The following TNFAIP8 variants were observed in gnomAD, a reference collection of about 807,000 sequenced individuals.
The protein encoded by TNFAIP8 is tumor necrosis factor alpha-induced protein 8.
TNFAIP8 carries 7 observed loss-of-function variants against 13.3 expected under a neutral mutation model. That is an observed-to-expected ratio of 0.52 (90% confidence interval 0.30 to 0.99). The LOEUF is 0.99. TNFAIP8 is among the 50% of genes least tolerant of loss of function. The pLI is 0.07. For synonymous variants in TNFAIP8, 94 were observed against 87.6 expected (o/e 1.07, Z -0.41); for missense variants, 258 against 236.9 (o/e 1.09, Z -0.58).
chr5:119,305,212 A>T (rs1419119336), intron 1 of TNFAIP8, among the ~76,000 whole-genome samples: 7 of 152,222 alleles, frequency 4.6e-5, no homozygotes, highest in African/African-American at 1.7e-4. Flanking sequence ...AACCTCTTTG[A>T]TAGTCATTTT....
chr5:119,348,907 A>AAAAAAAAT (rs70982474), intron 1 of TNFAIP8, among the ~76,000 whole-genome samples: 1 of 135,686 alleles, frequency 7.4e-6, no homozygotes, highest in Non-Finnish European at 1.6e-5. Context: ...AAAAAAAAAA[A>AAAAAAAAT]GAATAGACAA....
At chr5:119,276,894 T>C (rs945125478) in intron 1 of TNFAIP8, among the ~76,000 whole-genome samples, 7 of 152,344 alleles carry the variant, frequency 4.6e-5, no homozygotes, top group African/African-American at 1.7e-4. Context: ...GGGAGGATCT[T>C]TTCAGGACCT....
At chr5:119,330,326 T>C (rs1444380925) in intron 1 of TNFAIP8, among the ~76,000 whole-genome samples, 1 of 152,214 alleles carries the variant, frequency 6.6e-6, no homozygotes, top group Admixed American at 6.5e-5. Flanking sequence ...TAGAATTAGA[T>C]GAAATAAACA....
At chr5:119,380,142 T>C (rs1479219182) in intron 1 of TNFAIP8, among the ~76,000 whole-genome samples, 1 of 152,266 alleles carries the variant, frequency 6.6e-6, no homozygotes, top group East Asian at 1.9e-4. Flanking sequence ...TCACTTCTCT[T>C]ATCTGGGTCC....
chr5:119,349,796 G>A (rs533526063), intron 1 of TNFAIP8, among the ~76,000 whole-genome samples: 2 of 152,328 alleles, frequency 1.3e-5, no homozygotes, highest in African/African-American at 4.8e-5. Context: ...AGAGAGATTT[G>A]ACGATGGTTC....
chr5:119,357,947 T>G (rs1751495795), intron 1 of TNFAIP8, among the ~76,000 whole-genome samples: 1 of 152,130 alleles, frequency 6.6e-6, no homozygotes, highest in Non-Finnish European at 1.5e-5. Context: ...CTGTGTGTTT[T>G]GGGTGTGTTT....
At chr5:119,326,847 T>C (rs993984911) in intron 1 of TNFAIP8, among the ~76,000 whole-genome samples, 2 of 152,204 alleles carry the variant, frequency 1.3e-5, no homozygotes. Context: ...GAATGACTGA[T>C]GGGAAGATGA....
At chr5:119,390,843 G>A (rs1363077657) in intron 1 of TNFAIP8, among the ~76,000 whole-genome samples, 1 of 152,048 alleles carries the variant, frequency 6.6e-6, no homozygotes, top group African/African-American at 2.4e-5. Context: ...TTCTGAGACA[G>A]GGTCTCACTT....
chr5:119,272,268 C>T (rs1748314313), intron 1 of TNFAIP8, among the ~76,000 whole-genome samples: 1 of 152,162 alleles, frequency 6.6e-6, no homozygotes, highest in South Asian at 2.1e-4. Flanking sequence ...GTCCAGCTTG[C>T]AGGAGGAGAG....
chr5:119,283,940 C>T (rs915945036), intron 1 of TNFAIP8, among the ~76,000 whole-genome samples: 1 of 147,172 alleles, frequency 6.8e-6, no homozygotes, highest in Non-Finnish European at 1.5e-5. Context: ...ACTTGTTCTT[C>T]GCCTGTTCTC....
intron 1 of TNFAIP8, among the ~76,000 whole-genome samples, chr5:119,313,572 T>C (rs1004766772): frequency 6.6e-6 from 1 of 152,222 alleles, no homozygotes; most frequent in Non-Finnish European, 1.5e-5. Flanking sequence ...ATGCATTTGC[T>C]AAAGTTTAGT....
chr5:119,396,860 G>A lies in TNFAIP8; in HGVS notation c.*3479G>A, dbSNP rs1753084279. On this transcript the variant is annotated 3_prime_UTR_variant, in exon 2 of 2. Transcript: ENST00000504771. ...ATACACAAGATTAGCCAGATGTGGT[G>A]GCAGGCACCTGTAATCCCAGCTACT... 1 of 151,800 alleles carries A rather than the reference G, an allele frequency of 6.6e-6. No homozygotes were observed. The highest frequency in any genetic ancestry group is 2.1e-4 in the South Asian group (1 of 4,810). The allele number at this position is 151,800 out of a possible 1,614,324, so 9.4% of individuals were successfully genotyped here. A position where few individuals can be genotyped will look rare whatever the true frequency, so the allele number is the denominator to read the frequency against.
At chr5:119,271,052 T>G (rs1342530989) in intron 1 of TNFAIP8, among the ~76,000 whole-genome samples, 1 of 152,210 alleles carries the variant, frequency 6.6e-6, no homozygotes, top group African/African-American at 2.4e-5. Flanking sequence ...GACATAGTCT[T>G]TGTTTACGTG....
upstream of TNFAIP8, among the ~76,000 whole-genome samples, chr5:119,351,788 CTTTTTTTCTTTTT>C (rs1751167440): frequency 7.2e-6 from 1 of 138,240 alleles, no homozygotes; most frequent in Admixed American, 7.1e-5. Context: ...TTTTCTTTTT[CTTTTTTTCTTTTT>C]TTTTTTGAGA....
At chr5:119,307,176 C>T (rs920088713) in intron 1 of TNFAIP8, among the ~76,000 whole-genome samples, 4 of 152,146 alleles carry the variant, frequency 2.6e-5, no homozygotes, top group Non-Finnish European at 4.4e-5. Context: ...CTTTTTCTTT[C>T]GTAGTATTCC....
intron 1 of TNFAIP8, among the ~76,000 whole-genome samples, chr5:119,383,129 T>A (rs952128298): frequency 3.3e-5 from 5 of 152,234 alleles, no homozygotes; most frequent in Non-Finnish European, 7.3e-5. Context: ...TTTAGCTTAT[T>A]GAAGAATTAA....
At position 119,326,160 on chromosome 5, in the gene TNFAIP8, A is replaced by T. The variant is rs543724354; in HGVS notation, c.1+57253A>T. Among the ~76,000 whole-genome samples, 8 of 152,302 alleles carry T rather than the reference A, an allele frequency of 5.3e-5. No homozygotes were observed. In the South Asian group the frequency reaches 1.7e-3, roughly 32 times the overall value. On this transcript the variant is annotated intron_variant, in intron 1 of 1. Transcript: ENST00000274456. ...AATGCAGGTGGATTCATTCATGCTG[A>T]ATGAATGAAGAAATCACCCTGTCGT...
chr5:119,299,276 TG>T (rs1285929024), intron 1 of TNFAIP8, among the ~76,000 whole-genome samples: 2 of 152,194 alleles, frequency 1.3e-5, no homozygotes, highest in African/African-American at 4.8e-5. Flanking sequence ...GATGTACAGA[TG>T]GGTTTTTGGT....
chr5:119,306,327 T>TC (rs1749561878), intron 1 of TNFAIP8: 1 of 147,450 alleles, frequency 6.8e-6, no homozygotes, highest in Non-Finnish European at 1.5e-5. Flanking sequence ...TCTTTTTCTT[T>TC]TTTTTTTTTT....
Sources: allele counts gnomAD v4.1 joint callset (sites outside exome capture counted in the v4.1 genomes callset), GRCh38; gene constraint gnomAD v4.1.1; transcripts MANE v1.5; gene names NCBI Gene and HGNC (gene_info 2026-07-23, HGNC 2026-07-21).